Variants in LMLN observed in about 807,000 individuals in gnomAD.
LMLN encodes leishmanolysin-like peptidase.
A neutral mutation model predicts 92.3 loss-of-function variants in LMLN; 70 were observed. The ratio of observed to expected loss-of-function variants is 0.76; its 90% CI spans 0.63 to 0.92. The LOEUF is 0.92. LMLN is among the 40% of genes least tolerant of loss of function. The probability of loss-of-function intolerance (pLI) is 0.00; values close to 1 mark genes in which losing one functional copy is unlikely to be tolerated. For missense variants in LMLN, 691 were observed against 814.6 expected, an observed-to-expected ratio of 0.85 and a Z score of 1.85; for synonymous variants, 308 against 296.2, an observed-to-expected ratio of 1.04 and a Z score of -0.41.
intron 10 of LMLN, chr3:197,996,522 C>T (rs1159451790): frequency 1.8e-5 from 5 of 271,108 alleles, no homozygotes; most frequent in Non-Finnish European, 2.7e-5. Flanking sequence ...CATGGGTTCA[C>T]ATATTTATGC....
intron 7 of LMLN, 140 bp downstream of exon 7, chr3:197,984,188 G>T (rs1376604691): frequency 2.1e-6 from 1 of 485,626 alleles, no homozygotes; most frequent in Non-Finnish European, 3.6e-6. Flanking sequence ...AAAACTTAAA[G>T]TATAATAATA....
chr3:197,968,463 AAAAG>A (rs1721124716), intron 1 of LMLN, among the ~76,000 whole-genome samples: 2 of 152,158 alleles, frequency 1.3e-5, no homozygotes, highest in Admixed American at 1.3e-4. Flanking sequence ...CTCAAAAAAA[AAAAG>A]AAAAGAAATT....
In LMLN at chr3:198,038,565, A is replaced by G; in HGVS notation, c.1868-2A>G. 1 of 1,609,402 alleles carries G rather than the reference A, an allele frequency of 6.2e-7. No individual in the cohort carries two copies. The highest frequency in any genetic ancestry group is 2.2e-5 in the East Asian group (1 of 44,854). On this transcript the variant is annotated splice_acceptor_variant, in intron 15 of 15. Transcript: ENST00000330198. LOFTEE classifies it high-confidence loss of function. Reference sequence around the variant, plus strand: ...AAGTCAGTTTTTTGTTTTCAACTCTAGATCTTTGTTCCTGTTCCTCGAGCC... The same window carrying G: ...AAGTCAGTTTTTTGTTTTCAACTCTGGATCTTTGTTCCTGTTCCTCGAGCC...
chr3:198,038,855 C>T, exon 16 of LMLN: 1 of 496,406 alleles, frequency 2.0e-6, no homozygotes, highest in Admixed American at 3.3e-5. Flanking sequence ...AGCAACCCAA[C>T]CACCTTCATC....
chr3:197,960,470 C>T (rs1720828964), intron 1 of LMLN, 30 bp downstream of exon 1: 4 of 1,600,818 alleles, frequency 2.5e-6, no homozygotes, highest in East Asian at 2.2e-5. Flanking sequence ...AGCGGGCCCT[C>T]TCAGGGTAAA....
At position 197,999,359 on chromosome 3, in the gene LMLN, A is replaced by C; in HGVS notation, c.1232+17A>C. The C allele has an allele frequency of 6.5e-7, 1 of 1,537,940 alleles. No homozygotes were observed. Among genetic ancestry groups the C allele is most frequent in the Admixed American group, 1.7e-5 (1 of 59,910 alleles). ...GGACACTGGGTAAGACAGCTGTGAC[A>C]AGAGGATATGAATTGCTTATGAAAA... On this transcript the variant is annotated intron_variant, in intron 11 of 15. Transcript: ENST00000330198.
intron 14 of LMLN, among the ~76,000 whole-genome samples, chr3:198,032,539 A>C (rs1723104966): frequency 6.6e-6 from 1 of 152,218 alleles, no homozygotes; most frequent in South Asian, 2.1e-4. Flanking sequence ...ACAGTTCTGC[A>C]GACTACAGGA....
chr3:198,010,581 G>A (rs1722405964), intron 11 of LMLN, among the ~76,000 whole-genome samples: 1 of 152,064 alleles, frequency 6.6e-6, no homozygotes, highest in Admixed American at 6.6e-5. Flanking sequence ...CTTTCAAGTA[G>A]CTGGGACTAC....
exon 13 of LMLN, chr3:198,021,513 C>T: frequency 6.2e-7 from 1 of 1,614,014 alleles, no homozygotes; most frequent in Non-Finnish European, 8.5e-7. Context: ...GTGGAAATTG[C>T]TGACTACTGC....
chr3:197,971,222 G>GT (rs1448177165), intron 1 of LMLN, among the ~76,000 whole-genome samples: 1 of 152,194 alleles, frequency 6.6e-6, no homozygotes, highest in Non-Finnish European at 1.5e-5. Context: ...AAGGAAAGTG[G>GT]TTTACAGTTC....
In LMLN at chr3:198,035,842, T is replaced by C. The variant is rs753610494; in HGVS notation, c.1666T>C (p.Ser556Pro). The change falls in exon 15 of 16, where the codon TCT becomes CCT. Residue 556 changes from serine (S) to proline (P), a missense_variant. Around this residue, in one of 4 missense-constraint regions of LMLN, gnomAD observed 352 missense variants for 443.6 expected, o/e 0.79. Coordinates refer to ENST00000330198, the Ensembl canonical transcript of LMLN. ...TTTTTCCTGTTTGAAGGTTTCTTGT[T>C]CTCCTCAAGGTCTGAAAGTTTGGGT... The C allele has an allele frequency of 1.9e-6, 3 of 1,613,572 alleles. No individual in the cohort carries two copies. In the East Asian group the frequency reaches 6.7e-5, roughly 36 times the overall value.
At chr3:198,029,156 T>A (rs934115192) in intron 14 of LMLN, among the ~76,000 whole-genome samples, 2 of 152,226 alleles carry the variant, frequency 1.3e-5, no homozygotes, top group Non-Finnish European at 2.9e-5. Context: ...ATAAAGACGG[T>A]CAATACAGAC....
rs1189327776 is a variant in LMLN, at chr3:198,031,081, C to G, written c.1657-4752C>G. The stretch of plus-strand genomic sequence containing the variant: ...CCTGAGAATGAAATAGGCATAAGCC[C>G]GATGAACAGGAGGAAAACATACACA... On this transcript the variant is annotated intron_variant, in intron 14 of 15. Transcript: ENST00000330198. This position sits in a 1 kb window ranked among gnomAD's most constrained non-coding sequence, Gnocchi z 4.8. Among the ~76,000 whole-genome samples, 1 of 152,100 alleles carries G rather than the reference C, an allele frequency of 6.6e-6. No homozygotes were observed. The highest frequency in any genetic ancestry group is 1.9e-4 in the East Asian group (1 of 5,188).
At chr3:197,971,523 T>C (rs2109850372) in intron 1 of LMLN, among the ~76,000 whole-genome samples, 1 of 152,338 alleles carries the variant, frequency 6.6e-6, no homozygotes, top group South Asian at 2.1e-4. Flanking sequence ...TTTTCTCTCA[T>C]TGCTTTCAAT....
chr3:197,976,524 G>T, intron 4 of LMLN, 74 bp from the exon 5 acceptor site: 2 of 736,396 alleles, frequency 2.7e-6, no homozygotes, highest in South Asian at 4.1e-5. Context: ...GCTACCAGTT[G>T]GTTTCCATGT....
intron 1 of LMLN, among the ~76,000 whole-genome samples, chr3:197,960,819 T>C (rs1442771834): frequency 6.6e-6 from 1 of 151,954 alleles, no homozygotes; most frequent in African/African-American, 2.4e-5. Flanking sequence ...TCCCAGCTGG[T>C]TGGTGAGATA....
At chr3:197,990,407 A>G in intron 8 of LMLN, 152 bp from the exon 9 acceptor site, 1 of 455,002 alleles carries the variant, frequency 2.2e-6, no homozygotes, top group Non-Finnish European at 3.9e-6. Context: ...ATACTTATCA[A>G]GTACTTTGTT....
intron 8 of LMLN, among the ~76,000 whole-genome samples, chr3:197,986,663 G>C (rs1307032491): frequency 6.6e-6 from 1 of 151,976 alleles, no homozygotes. Context: ...ATGTGTAAAC[G>C]TTGCCTTGCC....
chr3:198,009,973 T>G (rs1722389818), intron 11 of LMLN, among the ~76,000 whole-genome samples: 1 of 152,188 alleles, frequency 6.6e-6, no homozygotes, highest in African/African-American at 2.4e-5. Context: ...GTCCTGATAT[T>G]GGTAATTTTG....
Sources: gnomAD v4.1 joint callset for allele counts (sites outside exome capture counted in the v4.1 genomes callset) on GRCh38, gnomAD v4.1.1 for gene constraint, gnomAD v4.1.1 regional missense constraint, Gnocchi (gnomAD v3.1) non-coding constraint, MANE v1.5 for transcripts, NCBI Gene and HGNC (gene_info 2026-07-23, HGNC 2026-07-21) for gene names.